BAZ2A: variants seen among roughly 807,000 people sequenced by gnomAD.
The protein encoded by BAZ2A is bromodomain adjacent to zinc finger domain 2A.
Under a neutral mutation model 199.9 loss-of-function variants are expected in BAZ2A, and 34 were observed. The observed-to-expected ratio is 0.17, with a 90% CI of 0.13 to 0.23. The LOEUF (loss-of-function observed/expected upper bound fraction) is 0.23, where lower values mean the gene tolerates loss of function less well. BAZ2A is among the 10% of genes least tolerant of loss of function. BAZ2A has a pLI of 1.00. For synonymous variants in BAZ2A, 857 were observed against 883.9 expected, an observed-to-expected ratio of 0.97 and a Z score of 0.54; for missense variants, 2,002 against 2,391.1, an observed-to-expected ratio of 0.84 and a Z score of 3.39.
At chr12:56,621,511 T>C (rs973572466) in intron 1 of BAZ2A, among the ~76,000 whole-genome samples, 3 of 152,148 alleles carry the variant, frequency 2.0e-5, no homozygotes, top group Non-Finnish European at 4.4e-5. Context: ...CCAACTCTAC[T>C]ATTTACTAGC....
chr12:56,600,746 G>C lies in BAZ2A; in HGVS notation c.4537C>G (p.Leu1513Val). ...SPKEKTYETD[L>V]AVLQWVEELE... ...TCCTCTACCCATTGAAGCACTGCTA[G>C]GTCTGTCTCGTATGTCTTCTCTTTG... Residue 1513 changes from leucine (L) to valine (V), a missense_variant, in exon 23 of 29, where the codon CTA (leucine) becomes GTA (valine). Leu to Val is a conservative substitution (Grantham distance 32). Transcript: ENST00000549884. 6.2e-7 allele frequency: 1 copy of C among 1,613,784 alleles called. No homozygotes were observed.
At position 56,600,076 on chromosome 12, in the gene BAZ2A, C is replaced by T. The variant is rs905758601; in HGVS notation, c.4913G>A (p.Arg1638His). ...TTEISYEITPRIRVWRQTLER... is the reference protein window; with the variant it reads ...TTEISYEITPHIRVWRQTLER... ...GAGGGTCTGGCGCCAGACACGAATG[C>T]GAGGGGTGATCTCATATGATCTGGA... Residue 1638 changes from arginine (R) to histidine (H), a missense_variant, in exon 25 of 29, where the codon CGC becomes CAC. By Grantham distance (29) the Arg-to-His change is conservative. Around this residue, in one of 6 missense-constraint regions of BAZ2A, gnomAD observed 1,081 missense variants for 1,274.7 expected, o/e 0.85. Coordinates refer to ENST00000549884, the MANE Select transcript of BAZ2A (RefSeq NM_001300905.2). 12 of 1,613,878 alleles carry T rather than the reference C, an allele frequency of 7.4e-6. No homozygotes were observed. The highest frequency in any genetic ancestry group is 3.3e-5 in the South Asian group (3 of 91,086).
At chr12:56,610,042 C>A (rs543542882) in intron 9 of BAZ2A, 72 bp downstream of exon 9, 2 of 1,601,500 alleles carry the variant, frequency 1.2e-6, no homozygotes, top group African/African-American at 1.3e-5. Flanking sequence ...TCAAACCCCA[C>A]GAGAGGAAGC....
chr12:56,608,784 G>A (rs879286635), intron 10 of BAZ2A, among the ~76,000 whole-genome samples: 9 of 150,708 alleles, frequency 6.0e-5, no homozygotes, highest in Non-Finnish European at 1.3e-4. Flanking sequence ...GGTCAGGCTG[G>A]TCTTGAACTC....
At chr12:56,611,174 C>G (rs1950546279) in intron 7 of BAZ2A, 1 of 250,450 alleles carries the variant, frequency 4.0e-6, no homozygotes, top group African/African-American at 2.3e-5. Context: ...CCTGCCCTTA[C>G]CTCTCCTAAG....
At position 56,611,883 on chromosome 12, in the gene BAZ2A, G is replaced by T. The variant is rs375032854; in HGVS notation, c.1499C>A (p.Ala500Glu). The T allele has an allele frequency of 3.5e-5, 56 of 1,606,154 alleles. No homozygotes were observed. The African/African-American group carries it at 6.0e-4, about 17-fold the overall frequency. ...SPKASPVTSPAAAFPTASPAN... is the reference protein window; with the variant it reads ...SPKASPVTSPEAAFPTASPAN... Reference sequence around the variant, plus strand: ...TGGGGAGGCTGTTGGAAAGGCAGCTGCTGGGGAAGTTACGGGAGAGGCTTT... The same window carrying T: ...TGGGGAGGCTGTTGGAAAGGCAGCTTCTGGGGAAGTTACGGGAGAGGCTTT... Residue 500 changes from alanine to glutamate, a missense_variant, in exon 6 of 29, where the codon GCA (alanine) becomes GAA (glutamate). Ala to Glu is a moderately radical substitution (Grantham distance 107). This residue lies in a region of BAZ2A where 641 missense variants were observed against 694.5 expected (regional missense o/e 0.92). Coordinates refer to ENST00000549884, the MANE Select transcript of BAZ2A (RefSeq NM_001300905.2).
upstream of BAZ2A, chr12:56,630,752 G>A: frequency 1.0e-6 from 1 of 980,956 alleles, no homozygotes; most frequent in Non-Finnish European, 1.2e-6. Flanking sequence ...GATGGGGAGA[G>A]GCAAGAGTCA....
At chr12:56,622,137 G>C (rs1027042225) in intron 1 of BAZ2A, among the ~76,000 whole-genome samples, 1 of 152,180 alleles carries the variant, frequency 6.6e-6, no homozygotes, top group Non-Finnish European at 1.5e-5. Flanking sequence ...TCAAGAGTTC[G>C]AAACCAGCCT....
At chr12:56,614,859 C>T in intron 3 of BAZ2A, 155 bp downstream of exon 3, 1 of 786,178 alleles carries the variant, frequency 1.3e-6, no homozygotes, top group Non-Finnish European at 2.0e-6. Flanking sequence ...ACAAAAACAC[C>T]AGCCACTTGG....
intron 18 of BAZ2A, among the ~76,000 whole-genome samples, 165 bp from the exon 19 acceptor site, chr12:56,603,022 G>A (rs570998359): frequency 5.3e-5 from 8 of 152,294 alleles, no homozygotes; most frequent in African/African-American, 1.2e-4. Context: ...GGTGGCTCAC[G>A]CCTGTAATCC....
At chr12:56,606,183 ATGTCC>A in intron 12 of BAZ2A, 59 bp downstream of exon 12, 1 of 1,605,570 alleles carries the variant, frequency 6.2e-7, no homozygotes, top group Admixed American at 1.7e-5. Flanking sequence ...ACTGATGTAC[ATGTCC>A]TGCAAAATCA....
In BAZ2A at chr12:56,610,666, G is replaced by A. The variant is rs563037670; in HGVS notation, c.1671-149C>T. On this transcript the variant is annotated intron_variant, in intron 7 of 28. Transcript: ENST00000549884. ...GATGCAAAAGCACCAAGAGAGATAA[G>A]CTTGGCTAGAAGGCTGACTTGAGCT... 1.5e-5 allele frequency: 10 copies of A among 687,980 alleles called. No homozygotes were observed. The Admixed American group carries it at 2.2e-4, about 15-fold the overall frequency. The allele number at this position is 687,980 out of a possible 1,614,324, so 42.6% of individuals were successfully genotyped here. A position where few individuals can be genotyped will look rare whatever the true frequency, so the allele number is the denominator to read the frequency against.
rs1012472820 is a variant in BAZ2A, at chr12:56,595,618, C to CGTGA, written c.*2996_*2999dup. ...AAAGTCTACGTCTTGGTGTCTTATCCGTGAGTGGGAAGTGGTAAGCTGGTG... is the reference window on the plus strand; with the variant it reads ...AAAGTCTACGTCTTGGTGTCTTATCCGTGAGTGAGTGGGAAGTGGTAAGCTGGTG... On this transcript the variant is annotated 3_prime_UTR_variant, in exon 29 of 29. Transcript: ENST00000549884. 1 of 151,594 alleles carries CGTGA rather than the reference C, an allele frequency of 6.6e-6. No homozygotes were observed. The highest frequency in any genetic ancestry group is 2.4e-5 in the African/African-American group (1 of 41,198). The allele number at this position is 151,594 out of a possible 1,614,324, so 9.4% of individuals were successfully genotyped here.
At position 56,601,731 on chromosome 12, in the gene BAZ2A, C is replaced by G. The variant is rs1251620038; in HGVS notation, c.3886G>C (p.Asp1296His). 2 of 1,613,842 alleles carry G rather than the reference C, an allele frequency of 1.2e-6. No homozygotes were observed. Among genetic ancestry groups the G allele is most frequent in the African/African-American group, 1.3e-5 (1 of 74,884 alleles). ...TCCGGGGGTTGTGATGGAGCTGGGT[C>G]TAGTTTTCCCGGACTGCTATCAGGT... is the stretch of plus-strand genomic sequence containing the variant. Reference protein sequence around the residue: ...LTPDSSPGKLDPAPSQPPEEP... With the variant: ...LTPDSSPGKLHPAPSQPPEEP... Residue 1296 changes from aspartate to histidine, a missense_variant, in exon 20 of 29, where the codon GAC becomes CAC. This residue lies in a region of BAZ2A where 1,081 missense variants were observed against 1,274.7 expected (regional missense o/e 0.85). Transcript: ENST00000549884.
At chr12:56,614,545 A>T (rs1233441934) in intron 3 of BAZ2A, among the ~76,000 whole-genome samples, 1 of 152,198 alleles carries the variant, frequency 6.6e-6, no homozygotes, top group Non-Finnish European at 1.5e-5. Flanking sequence ...AACAACAAAA[A>T]AAAGGAAACT....
rs565937951 is a variant in BAZ2A at position 56,617,539 on chromosome 12, G to C, written c.-2-7C>G. The C allele has an allele frequency of 1.9e-6, 3 of 1,602,128 alleles. No homozygotes were observed. On this transcript the variant is annotated splice_region_variant and splice_polypyrimidine_tract_variant and intron_variant, in intron 1 of 28. Transcript: ENST00000549884. ...TGGTCGTTTGCCTCCATTTCTGCAG[G>C]AGGGGAGAGAGAGGGAAAAAAAATA...
At position 56,609,878 on chromosome 12, in the gene BAZ2A, C is replaced by T. The variant is rs747733670; in HGVS notation, c.1950G>A (p.Arg650=). 6.2e-7 allele frequency: 1 copy of T among 1,613,392 alleles called. No individual in the cohort carries two copies. The highest frequency in any genetic ancestry group is 1.3e-5 in the African/African-American group (1 of 74,996). The stretch of plus-strand genomic sequence containing the variant: ...CCTTCTCAGTGTTTCGAGGTCGACC[C>T]CGTTTGCCAGTAATTGCCTGAATCC... The part of the protein sequence containing the change: ...PSRIQAITGK[R]GRPRNTEKAK... The change falls in exon 10 of 29, where the codon CGG becomes CGA. Residue 650 remains arginine, a synonymous_variant. Coordinates refer to ENST00000549884, the MANE Select transcript of BAZ2A (RefSeq NM_001300905.2).
chr12:56,602,613 T>A (rs1229385065), intron 19 of BAZ2A, 100 bp downstream of exon 19: 61 of 1,456,096 alleles, frequency 4.2e-5, no homozygotes, highest in Non-Finnish European at 5.6e-5. Context: ...TTACGCTATA[T>A]TATCAGAAAA....
rs767681393 is a variant in BAZ2A at position 56,612,086 on chromosome 12, G to GGAGGTTGTTGGCGAGACTGCTGGT, written c.1272_1295dup (p.Pro429_Ser436dup). ...GAGAAACCACTAGGGAGACTGCTGG[G>GGAGGTTGTTGGCGAGACTGCTGGT]GAGGTTGTTGGCGAGACTGCTGGTG... On this transcript the variant is annotated inframe_insertion, in exon 6 of 29. Coordinates refer to ENST00000549884, the MANE Select transcript of BAZ2A (RefSeq NM_001300905.2). 1.9e-6 allele frequency: 3 copies of GGAGGTTGTTGGCGAGACTGCTGGT among 1,613,780 alleles called. No individual in the cohort carries two copies. The South Asian group carries it at 3.3e-5, about 18-fold the overall frequency.
Sources: gnomAD v4.1 joint callset for allele counts (sites outside exome capture counted in the v4.1 genomes callset) on GRCh38, gnomAD v4.1.1 for gene constraint, gnomAD v4.1.1 regional missense constraint, MANE v1.5 for transcripts, NCBI Gene and HGNC (gene_info 2026-07-23, HGNC 2026-07-21) for gene names.